Variants in SHB observed in about 807,000 individuals in gnomAD.
SHB encodes the protein SH2 domain containing adaptor protein B.
Under a neutral mutation model 52.3 loss-of-function variants are expected in SHB, and 20 were observed. The ratio of observed to expected loss-of-function variants is 0.38; its 90% CI spans 0.27 to 0.56. The LOEUF is 0.56. Ranked by LOEUF, SHB falls within the 20% of genes least tolerant of loss-of-function variation. The pLI is 0.71. For missense variants in SHB, 825 were observed against 723.3 expected (o/e 1.14, Z -1.61); for synonymous variants, 397 against 316.5 (o/e 1.25, Z -2.70).
At chr9:38,024,569 C>T (rs1821319075) in intron 1 of SHB, among the ~76,000 whole-genome samples, 1 of 152,212 alleles carries the variant, frequency 6.6e-6, no homozygotes, top group Non-Finnish European at 1.5e-5. Flanking sequence ...CCACTGTCTT[C>T]CAGCTTCACC....
chr9:38,021,583 G>T (rs898083515), intron 1 of SHB, among the ~76,000 whole-genome samples: 13 of 151,780 alleles, frequency 8.6e-5, no homozygotes, highest in African/African-American at 3.1e-4. Context: ...CAGAAGAATT[G>T]CTTGAACCCA....
chr9:37,934,711 G>A (rs1306060002), intron 5 of SHB, among the ~76,000 whole-genome samples: 2 of 152,182 alleles, frequency 1.3e-5, no homozygotes, highest in Admixed American at 6.5e-5. Context: ...ACGGTTCTGG[G>A]GGGCAAATCC....
chr9:38,000,044 G>A (rs571978801), intron 2 of SHB, among the ~76,000 whole-genome samples: 6 of 152,356 alleles, frequency 3.9e-5, no homozygotes, highest in African/African-American at 1.2e-4. Flanking sequence ...CTGAGTGGGT[G>A]GTTTCCATTC....
At chr9:37,958,233 C>G (rs1207883720) in intron 3 of SHB, among the ~76,000 whole-genome samples, 1 of 152,222 alleles carries the variant, frequency 6.6e-6, no homozygotes, top group East Asian at 1.9e-4. Flanking sequence ...CAGTGCCCGC[C>G]AGTGGTCAGA....
chr9:38,068,639 T>G lies in SHB; in HGVS notation c.7A>C (p.Lys3Gln). 6.9e-7 allele frequency: 1 copy of G among 1,451,706 alleles called. No individual in the cohort carries two copies. Among genetic ancestry groups the G allele is most frequent in the Non-Finnish European group, 9.0e-7 (1 of 1,111,224 alleles). The allele number at this position is 1,451,706 out of a possible 1,614,324, so 89.9% of individuals were successfully genotyped here. Residue 3 changes from lysine to glutamine, a missense_variant, in exon 1 of 6, where the codon AAG becomes CAG. Coordinates refer to ENST00000377707, the MANE Select transcript of SHB (RefSeq NM_003028.3). ...AAGCTGAAGTACTTGTTTAGCCACT[T>G]GGCCATGGCGAGAGGCCGCCTAGGG... Reference protein sequence around the residue: MAKWLNKYFSLGN... With the variant: MAQWLNKYFSLGN...
chr9:37,918,508 T>G lies in SHB; in HGVS notation c.*1313A>C, dbSNP rs148643779. On this transcript the variant is annotated 3_prime_UTR_variant, in exon 6 of 6. Coordinates refer to ENST00000377707, the MANE Select transcript of SHB (RefSeq NM_003028.3). ...AGGGCTGTGTGTGTGTGTGTGTGTG[T>G]GTGTGTAGGTGTTCTTGTGTGTGGA... Among the ~76,000 whole-genome samples, 4 of 135,420 alleles carry G rather than the reference T, an allele frequency of 3.0e-5. No homozygotes were observed. The highest frequency in any genetic ancestry group is 1.0e-4 in the African/African-American group (4 of 38,748). The allele number at this position is 135,420 out of a possible 152,430, so 88.8% of individuals were successfully genotyped here.
In SHB at chr9:37,917,350, C is replaced by T. The variant is rs1832113617; in HGVS notation, c.*2471G>A. ...CGAAGGCCAGGGACAGAGGGAGGGT[C>T]CCAGGAATACCCTAAGAGGCCAAGT... On this transcript the variant is annotated 3_prime_UTR_variant, in exon 6 of 6. Transcript: ENST00000377707. Among the ~76,000 whole-genome samples the T allele has an allele frequency of 1.3e-5, 2 of 152,272 alleles. No individual in the cohort carries two copies. The highest frequency in any genetic ancestry group is 1.9e-4 in the East Asian group (1 of 5,174).
At position 38,068,149 on chromosome 9, in the gene SHB, C is replaced by T. The variant is rs750133918; in HGVS notation, c.497G>A (p.Ser166Asn). The stretch of plus-strand genomic sequence containing the variant: ...GGCCGGCGTGGCGGGCCGCCGCTCG[C>T]TGCTGCTGCGGTAGAGATGCGGAGA... ...SGSPHLYRSSSERRPATPAEV... is the reference protein window; with the variant it reads ...SGSPHLYRSSNERRPATPAEV... The change falls in exon 1 of 6, where the codon AGC becomes AAC. Residue 166 changes from serine to asparagine, a missense_variant. Ser to Asn is a conservative substitution (Grantham distance 46, BLOSUM62 1). Coordinates refer to ENST00000377707, the MANE Select transcript of SHB (RefSeq NM_003028.3). 6.9e-7 allele frequency: 1 copy of T among 1,442,722 alleles called. No individual in the cohort carries two copies. The highest frequency in any genetic ancestry group is 1.5e-5 in the African/African-American group (1 of 67,066). 89.4% of individuals were successfully genotyped at this position (1,442,722 alleles called of 1,614,324 possible).
At chr9:37,937,199 C>G (rs776068198) in intron 5 of SHB, among the ~76,000 whole-genome samples, 1 of 152,172 alleles carries the variant, frequency 6.6e-6, no homozygotes, top group Non-Finnish European at 1.5e-5. Flanking sequence ...CAGCTGACAG[C>G]CCAGGGCACG....
Position 37,918,421 on chromosome 9 carries a change from CTGTGTGTGTG to C in SHB, c.*1390_*1399del, listed in dbSNP as rs779864653. On this transcript the variant is annotated 3_prime_UTR_variant, in exon 6 of 6. Transcript: ENST00000377707. ...TGGAAGCAGTGTGGACCACTGAGGGCTGTGTGTGTGTGTGTGTGTGTGTGTAGGTGTTCTT... is the reference window on the plus strand; with the variant it reads ...TGGAAGCAGTGTGGACCACTGAGGGCTGTGTGTGTGTGTGTAGGTGTTCTT... 9.8e-5 allele frequency among the ~76,000 whole-genome samples: 9 copies of C among 92,050 alleles called. No homozygotes were observed. Among genetic ancestry groups the C allele is most frequent in the Non-Finnish European group, 1.9e-4 (8 of 42,892 alleles). 60.4% of individuals were successfully genotyped at this position (92,050 alleles called of 152,430 possible). A position where few individuals can be genotyped will look rare whatever the true frequency, so the allele number is the denominator to read the frequency against.
At position 38,037,378 on chromosome 9, in the gene SHB, C is replaced by G. The variant is rs530441990; in HGVS notation, c.718-21247G>C. On this transcript the variant is annotated intron_variant, in intron 1 of 5. Coordinates refer to ENST00000377707, the MANE Select transcript of SHB (RefSeq NM_003028.3). ...CCCACCACTGCCCGCTCCAGTCACACGCAGAGTCACCAGCCCCCAACTTCC... is the reference window on the plus strand; with the variant it reads ...CCCACCACTGCCCGCTCCAGTCACAGGCAGAGTCACCAGCCCCCAACTTCC... 2.6e-5 allele frequency among the ~76,000 whole-genome samples: 4 copies of G among 152,302 alleles called. No individual in the cohort carries two copies. The South Asian group carries it at 8.3e-4, about 32-fold the overall frequency.
At chr9:38,006,697 G>A (rs1193948635) in intron 2 of SHB, among the ~76,000 whole-genome samples, 2 of 152,204 alleles carry the variant, frequency 1.3e-5, no homozygotes, top group African/African-American at 2.4e-5. Context: ...GCTGACAAAC[G>A]CTCAGCAGGA....
At position 37,919,682 on chromosome 9, in the gene SHB, G is replaced by C. The variant is rs1387194755; in HGVS notation, c.*139C>G. ...CCCCGTAAGTGGCAACAGCATTCTA[G>C]AGACATGCAGTGGTGTGCTAGTACC... On this transcript the variant is annotated 3_prime_UTR_variant, in exon 6 of 6. Coordinates refer to ENST00000377707, the MANE Select transcript of SHB (RefSeq NM_003028.3). The C allele has an allele frequency of 3.1e-6, 2 of 640,228 alleles. No homozygotes were observed. The highest frequency in any genetic ancestry group is 1.8e-5 in the African/African-American group (1 of 54,666). 39.7% of individuals were successfully genotyped at this position (640,228 alleles called of 1,614,324 possible).
chr9:38,054,628 G>A (rs753437932), intron 1 of SHB, among the ~76,000 whole-genome samples: 2 of 152,220 alleles, frequency 1.3e-5, no homozygotes, highest in Non-Finnish European at 2.9e-5. Context: ...TCTGTGGGCA[G>A]TGTTATAGCC....
In SHB at chr9:37,919,764, G is replaced by C; in HGVS notation, c.*57C>G. 7.0e-7 allele frequency: 1 copy of C among 1,436,814 alleles called. No individual in the cohort carries two copies. Among genetic ancestry groups the C allele is most frequent in the Admixed American group, 1.7e-5 (1 of 57,966 alleles). The allele number at this position is 1,436,814 out of a possible 1,614,324, so 89.0% of individuals were successfully genotyped here. A position where few individuals can be genotyped will look rare whatever the true frequency, so the allele number is the denominator to read the frequency against. On this transcript the variant is annotated 3_prime_UTR_variant, in exon 6 of 6. Coordinates refer to ENST00000377707, the MANE Select transcript of SHB (RefSeq NM_003028.3). ...CAGTGGCTGGGCTGGTTGGTGGGGG[G>C]CCTCTGGCACCTCCAAGTCTCAGGC...
intron 1 of SHB, among the ~76,000 whole-genome samples, chr9:38,051,076 TGCCTTTTCAAAACCAG>T (rs1273760150): frequency 6.6e-6 from 1 of 152,222 alleles, no homozygotes; most frequent in Non-Finnish European, 1.5e-5. Context: ...AAAGTTTCTC[TGCCTTTTCAAAACCAG>T]GCCCACTTCT....
chr9:37,982,973 G>GCCCCCCCCC (rs58267859), intron 2 of SHB, among the ~76,000 whole-genome samples: 6 of 145,206 alleles, frequency 4.1e-5, no homozygotes, highest in African/African-American at 1.6e-4. Flanking sequence ...CCTCTCTGGT[G>GCCCCCCCCC]CCCCCCCCTC....
rs1201661107 is a variant in SHB, at chr9:37,931,941, G to A, written c.1347-11937C>T. Among the ~76,000 whole-genome samples the A allele has an allele frequency of 2.0e-5, 3 of 152,218 alleles. No homozygotes were observed. The East Asian group carries it at 5.8e-4, about 29-fold the overall frequency. On this transcript the variant is annotated intron_variant, in intron 5 of 5. Transcript: ENST00000377707. ...CTTGTCATTCACCACACAGGAATAG[G>A]CCTGAAGGACATTAGGGGCAGTGAA...
intron 5 of SHB, among the ~76,000 whole-genome samples, chr9:37,939,657 C>T (rs547497316): frequency 6.6e-6 from 1 of 152,298 alleles, no homozygotes; most frequent in East Asian, 1.9e-4. Context: ...ACTAGTTGGC[C>T]ATTGGCTGGG....
Sources: allele counts gnomAD v4.1 joint callset (sites outside exome capture counted in the v4.1 genomes callset), GRCh38; gene constraint gnomAD v4.1.1; transcripts MANE v1.5; gene names NCBI Gene and HGNC (gene_info 2026-07-23, HGNC 2026-07-21).